CDH23: variants seen among roughly 807,000 people sequenced by gnomAD.
CDH23 encodes cadherin-23.
CDH23 carries 189 observed loss-of-function variants against 317.1 expected under a neutral mutation model. The observed-to-expected ratio is 0.60, with a 90% CI of 0.53 to 0.67. The LOEUF (loss-of-function observed/expected upper bound fraction) is 0.67. Among genes scored for constraint, CDH23 ranks in the 30% least tolerant of loss-of-function variants. CDH23 has a pLI of 0.00. For synonymous variants in CDH23, 1,839 were observed against 1,876.8 expected, an observed-to-expected ratio of 0.98 and a Z score of 0.52; for missense variants, 4,401 against 4,592.4, an observed-to-expected ratio of 0.96 and a Z score of 1.20.
intron 6 of CDH23, among the ~76,000 whole-genome samples, chr10:71,516,646 C>T (rs1362295158): frequency 6.6e-6 from 1 of 152,140 alleles, no homozygotes; most frequent in Admixed American, 6.5e-5. Context: ...CTCAGGGAGC[C>T]CTCACCACCA....
At chr10:71,683,523 G>A (rs895179177) in intron 18 of CDH23, among the ~76,000 whole-genome samples, 7 of 152,226 alleles carry the variant, frequency 4.6e-5, no homozygotes, top group African/African-American at 1.7e-4. Context: ...CAAGCGGAAA[G>A]GCCATTGTCT....
intron 44 of CDH23, among the ~76,000 whole-genome samples, chr10:71,787,026 G>A (rs956411136): frequency 1.3e-5 from 2 of 152,154 alleles, no homozygotes; most frequent in Non-Finnish European, 2.9e-5. Flanking sequence ...AGTGCACAGG[G>A]GTACTGGAGG....
rs1349749741 is a variant in CDH23 at position 71,740,686 on chromosome 10, G to A, written c.4489-136G>A. 2.4e-6 allele frequency: 3 copies of A among 1,251,368 alleles called. No individual in the cohort carries two copies. The East Asian group carries it at 7.5e-5, about 31-fold the overall frequency. The allele number at this position is 1,251,368 out of a possible 1,614,324, so 77.5% of individuals were successfully genotyped here. On this transcript the variant is annotated intron_variant, in intron 36 of 69. Coordinates refer to ENST00000224721, the MANE Select transcript of CDH23 (RefSeq NM_022124.6). ...GCCGGGAGAGCCCAGGGCTGGCCAG[G>A]CCACCCAGGGGTTCTCAGTGAGTCT...
intron 3 of CDH23, among the ~76,000 whole-genome samples, chr10:71,456,867 G>A (rs992805002): frequency 6.6e-6 from 1 of 152,246 alleles, no homozygotes; most frequent in South Asian, 2.1e-4. Flanking sequence ...CACAGCTTGT[G>A]TAGAGTCAAA....
At chr10:71,760,151 G>A (rs997596998) in intron 38 of CDH23, among the ~76,000 whole-genome samples, 9 of 15,556 alleles carry the variant, frequency 5.8e-4, no homozygotes, top group East Asian at 1.1e-3. Context: ...ATATATGTGT[G>A]TATATATATG....
chr10:71,613,260 T>G (rs567631110), intron 9 of CDH23, among the ~76,000 whole-genome samples: 33 of 152,320 alleles, frequency 2.2e-4, no homozygotes, highest in African/African-American at 7.7e-4. Context: ...CTCCCTTCTA[T>G]CATACATTTA....
At chr10:71,798,214 G>T in intron 49 of CDH23, 140 bp from the exon 50 acceptor site, 2 of 656,380 alleles carry the variant, frequency 3.0e-6, no homozygotes, top group Non-Finnish European at 5.5e-6. Flanking sequence ...TGCAGCCTGA[G>T]GGTCAGGTCA....
chr10:71,755,259 TGTGCCTGCATC>T lies in CDH23; in HGVS notation c.4845+13345_4845+13355del, dbSNP rs1840102910. 2.9e-6 allele frequency: 3 copies of T among 1,049,622 alleles called. No homozygotes were observed. The Admixed American group carries it at 7.0e-5, about 24-fold the overall frequency. 65.0% of individuals were successfully genotyped at this position (1,049,622 alleles called of 1,614,324 possible). A position where few individuals can be genotyped will look rare whatever the true frequency, so the allele number is the denominator to read the frequency against. ...TCCCAACTCTCAAATGAAAAGGAAT[TGTGCCTGCATC>T]GTGCCTTTGCGAATCCCAGGGGCTG... On this transcript the variant is annotated intron_variant, in intron 38 of 69. Transcript: ENST00000224721.
At chr10:71,712,858 G>A in intron 28 of CDH23, 45 bp downstream of exon 28, 4 of 1,594,646 alleles carry the variant, frequency 2.5e-6, no homozygotes, top group Non-Finnish European at 3.4e-6. Flanking sequence ...GCTGGGGGAG[G>A]CGGAGCCACA....
chr10:71,617,340 G>C lies in CDH23; in HGVS notation c.1081G>C (p.Ala361Pro), dbSNP rs774524441. 5.6e-6 allele frequency: 9 copies of C among 1,613,946 alleles called. No homozygotes were observed. Among genetic ancestry groups the C allele is most frequent in the Non-Finnish European group, 7.6e-6 (9 of 1,179,890 alleles). Residue 361 changes from alanine (A) to proline (P), a missense_variant, in exon 11 of 70, where the codon GCA becomes CCA. Transcript: ENST00000224721. Reference protein sequence around the residue: ...SEYSVAITELAQVGFALPLFI... With the variant: ...SEYSVAITELPQVGFALPLFI... Reference sequence around the variant, plus strand: ...GTACAGCGTGGCCATCACTGAGCTGGCACAGGTCGGCTTTGCCCTTCCACT... The same window carrying C: ...GTACAGCGTGGCCATCACTGAGCTGCCACAGGTCGGCTTTGCCCTTCCACT...
At chr10:71,471,573 G>A (rs1232934199) in intron 3 of CDH23, among the ~76,000 whole-genome samples, 1 of 151,220 alleles carries the variant, frequency 6.6e-6, no homozygotes, top group Non-Finnish European at 1.5e-5. Context: ...CACCTTCCTG[G>A]ACTCCAGTTG....
chr10:71,457,996 C>T (rs1408256082), intron 3 of CDH23, among the ~76,000 whole-genome samples: 6 of 152,262 alleles, frequency 3.9e-5, no homozygotes, highest in Admixed American at 2.6e-4. Flanking sequence ...GCCATTGGGA[C>T]GAGGATGTGC....
chr10:71,780,582 AG>A (rs1031525159), intron 41 of CDH23, among the ~76,000 whole-genome samples: 3 of 152,170 alleles, frequency 2.0e-5, no homozygotes, highest in African/African-American at 7.2e-5. Context: ...AGGGAAGCAT[AG>A]GAAGAAATGA....
chr10:71,417,138 C>T (rs572276393), intron 1 of CDH23, among the ~76,000 whole-genome samples: 69 of 150,922 alleles, frequency 4.6e-4, no homozygotes, highest in South Asian at 4.4e-3. Context: ...TGCAGTGGCA[C>T]GATCTCGGCT....
chr10:71,812,978 G>C, intron 68 of CDH23, 88 bp downstream of exon 68: 4 of 1,558,416 alleles, frequency 2.6e-6, no homozygotes, highest in Non-Finnish European at 3.5e-6. Context: ...AGACCTCCAG[G>C]CTCAGCTAGA....
At chr10:71,635,637 G>C (rs1326237107) in intron 11 of CDH23, among the ~76,000 whole-genome samples, 2 of 151,828 alleles carry the variant, frequency 1.3e-5, no homozygotes, top group African/African-American at 4.8e-5. Flanking sequence ...CAGGGCAAGA[G>C]GGGGAAGGAG....
intron 6 of CDH23, among the ~76,000 whole-genome samples, chr10:71,531,228 T>G (rs1353933865): frequency 6.6e-6 from 1 of 152,084 alleles, no homozygotes; most frequent in African/African-American, 2.4e-5. Flanking sequence ...TTACCAGGGT[T>G]TATAAAGAGC....
chr10:71,575,074 C>G (rs2132390469), intron 8 of CDH23, among the ~76,000 whole-genome samples: 1 of 152,324 alleles, frequency 6.6e-6, no homozygotes, highest in African/African-American at 2.4e-5. Context: ...GGGCCCCACA[C>G]AGTGGAACAT....
chr10:71,602,722 G>A (rs546776908), intron 9 of CDH23, among the ~76,000 whole-genome samples: 1 of 152,212 alleles, frequency 6.6e-6, no homozygotes, highest in African/African-American at 2.4e-5. Context: ...AGCTCCACCT[G>A]CCCCAGGCAC....
Sources: allele counts gnomAD v4.1 joint callset (sites outside exome capture counted in the v4.1 genomes callset), GRCh38; gene constraint gnomAD v4.1.1; transcripts MANE v1.5; gene names NCBI Gene and HGNC (gene_info 2026-07-23, HGNC 2026-07-21).